DPF2: variants seen among roughly 807,000 people sequenced by gnomAD.
DPF2 encodes the protein double PHD fingers 2, also known as zinc finger protein ubi-d4.
A neutral mutation model predicts 59.6 loss-of-function variants in DPF2; 10 were observed. The observed-to-expected ratio is 0.17, with a 90% confidence interval of 0.10 to 0.28. The LOEUF is 0.28. DPF2 is among the 10% of genes least tolerant of loss of function. DPF2 has a pLI of 1.00. For synonymous variants in DPF2, 189 were observed against 190.6 expected, an observed-to-expected ratio of 0.99 and a Z score of 0.07; for missense variants, 315 against 509.4, an observed-to-expected ratio of 0.62 and a Z score of 3.67.
Position 65,348,784 on chromosome 11 carries a change from G to A in DPF2, c.1018-66G>A, listed in dbSNP as rs1854612046. ...ACCTACCCCTCTTGGAAATAGCAGT[G>A]TCCTGTAGTGGCCTGAGGCACATCA... On this transcript the variant is annotated intron_variant, in intron 9 of 10. Transcript: ENST00000528416. 5.2e-6 allele frequency: 8 copies of A among 1,534,314 alleles called. No homozygotes were observed. In the East Asian group the frequency reaches 1.8e-4, roughly 34 times the overall value.
In DPF2 at chr11:65,344,056, C is replaced by G; in HGVS notation, c.624C>G (p.Pro208=). The G allele has an allele frequency of 6.2e-7, 1 of 1,614,192 alleles. No homozygotes were observed. Among genetic ancestry groups the G allele is most frequent in the Non-Finnish European group, 8.5e-7 (1 of 1,180,018 alleles). ...CCATCCTGGAGGACCGGGATAAGCC[C>G]TATGCCTGTGACAGTGAGTGCCTCA... The part of the protein sequence containing the change: ...DASILEDRDK[P]YACDICGKRY... Residue 208 remains proline (P), a synonymous_variant, in exon 6 of 11, where the codon CCC becomes CCG. Transcript: ENST00000528416.
intron 4 of DPF2, among the ~76,000 whole-genome samples, chr11:65,342,760 C>T (rs1854410248): frequency 6.6e-6 from 1 of 152,092 alleles, no homozygotes; most frequent in Admixed American, 6.6e-5. Flanking sequence ...CGCCTGTAAT[C>T]CCAGCACTTT....
At chr11:65,351,289 A>G (rs1366160048) in intron 10 of DPF2, among the ~76,000 whole-genome samples, 1 of 152,214 alleles carries the variant, frequency 6.6e-6, no homozygotes, top group African/African-American at 2.4e-5. Flanking sequence ...GAATGACCCA[A>G]TTGTTTTTCA....
intron 1 of DPF2, among the ~76,000 whole-genome samples, chr11:65,337,492 TATATATATATATAGAGAGAGAGAG>T (rs1854213935): frequency 1.5e-5 from 1 of 67,406 alleles, no homozygotes; most frequent in South Asian, 5.7e-4. Context: ...TATATATATA[TATATATATATATAGAGAGAGAGAG>T]AGAGAGAGAG....
chr11:65,348,611 GAAAAAAAAAAA>G, intron 9 of DPF2: 1 of 239,458 alleles, frequency 4.2e-6, no homozygotes, highest in Non-Finnish European at 7.4e-6. Context: ...GGGCTTTAGG[GAAAAAAAAAAA>G]AAAAAAAAAG....
rs557339430 is a variant in DPF2 at position 65,343,600 on chromosome 11, G to A, written c.466-145G>A. On this transcript the variant is annotated intron_variant, in intron 4 of 10. Transcript: ENST00000528416. ...GGGAGCAGGAGCAGGATTATAGCAT[G>A]CTTGAAAGGCGTTGGTGAGGAATGA... 5.0e-5 allele frequency: 34 copies of A among 676,502 alleles called. 1 individual carries two copies. In the South Asian group the frequency reaches 6.0e-4, roughly 12 times the overall value. The allele number at this position is 676,502 out of a possible 1,614,324, so 41.9% of individuals were successfully genotyped here.
In DPF2 at chr11:65,353,294, C is replaced by T. The variant is rs376636599; in HGVS notation, c.*1535C>T. The T allele has an allele frequency of 2.0e-5, 3 of 152,122 alleles. No homozygotes were observed. In the East Asian group the frequency reaches 5.8e-4, roughly 29 times the overall value. 9.4% of individuals were successfully genotyped at this position (152,122 alleles called of 1,614,324 possible). ...GTTTCAGTTGATTTGGAGAATTCTC[C>T]TAGTCTTGGATACATAGATGGAAGT... On this transcript the variant is annotated 3_prime_UTR_variant, in exon 11 of 11. Transcript: ENST00000528416.
intron 4 of DPF2, among the ~76,000 whole-genome samples, chr11:65,342,323 G>C (rs970633008): frequency 6.6e-6 from 1 of 152,124 alleles, no homozygotes; most frequent in African/African-American, 2.4e-5. Context: ...GGTGGCACAC[G>C]CCTGCAGTCC....
At chr11:65,336,230 G>A (rs552311717) in intron 1 of DPF2, among the ~76,000 whole-genome samples, 20 of 152,012 alleles carry the variant, frequency 1.3e-4, no homozygotes, top group African/African-American at 4.3e-4. Flanking sequence ...AGTGGCTTAC[G>A]CCTATAATCC....
At chr11:65,337,470 AAAAAAT>A (rs1429016355) in intron 1 of DPF2, among the ~76,000 whole-genome samples, 1 of 57,618 alleles carries the variant, frequency 1.7e-5, no homozygotes, top group Non-Finnish European at 3.3e-5. Flanking sequence ...AAAAAAAAAA[AAAAAAT>A]ATATATATAT....
intron 1 of DPF2, among the ~76,000 whole-genome samples, chr11:65,337,547 A>AGAGAGAGGGG (rs1251201046): frequency 7.6e-6 from 1 of 131,642 alleles, no homozygotes; most frequent in Non-Finnish European, 1.6e-5. Context: ...AGAGAGAGAG[A>AGAGAGAGGGG]ACAATGTTAA....
intron 10 of DPF2, among the ~76,000 whole-genome samples, chr11:65,350,204 CT>C (rs1311048678): frequency 6.6e-6 from 1 of 152,082 alleles, no homozygotes; most frequent in Admixed American, 6.6e-5. Context: ...AGTGTCCTCA[CT>C]GTAGTGTTAA....
chr11:65,344,532 C>T, intron 6 of DPF2: 1 of 1,525,658 alleles, frequency 6.6e-7, no homozygotes, highest in South Asian at 1.2e-5. Flanking sequence ...GCTCCTGTCT[C>T]AAGTGTATCA....
chr11:65,345,376 A>C (rs899561325), intron 6 of DPF2: 2 of 420,688 alleles, frequency 4.8e-6, no homozygotes, highest in Non-Finnish European at 8.8e-6. Flanking sequence ...AGAGCAACTA[A>C]CTGGTGATGG....
At chr11:65,338,536 C>T (rs1854274046) in intron 1 of DPF2, among the ~76,000 whole-genome samples, 2 of 152,238 alleles carry the variant, frequency 1.3e-5, no homozygotes, top group South Asian at 4.1e-4. Context: ...CTGCCGCACT[C>T]AACCTTGTTT....
In DPF2 at chr11:65,344,026, T is replaced by C; in HGVS notation, c.594T>C (p.Asp198=). The C allele has an allele frequency of 6.2e-7, 1 of 1,614,214 alleles. No individual in the cohort carries two copies. Residue 198 remains aspartate, a synonymous_variant, in exon 6 of 11, where the codon GAT becomes GAC. Coordinates refer to ENST00000528416, the MANE Select transcript of DPF2 (RefSeq NM_006268.5). ...TGGGCAGTGCCCGTAAGAAGCTGGATGCTTCCATCCTGGAGGACCGGGATA... is the reference window on the plus strand; with the variant it reads ...TGGGCAGTGCCCGTAAGAAGCTGGACGCTTCCATCCTGGAGGACCGGGATA... The part of the protein sequence containing the change: ...KGVGSARKKL[D]ASILEDRDKP...
chr11:65,343,567 G>A lies in DPF2; in HGVS notation c.466-178G>A, dbSNP rs1854441777. On this transcript the variant is annotated intron_variant, in intron 4 of 10. Coordinates refer to ENST00000528416, the MANE Select transcript of DPF2 (RefSeq NM_006268.5). The stretch of plus-strand genomic sequence containing the variant: ...AAGCACAGGGGAAAGATATCCCAAA[G>A]TATGGAAGGGAGCAGGAGCAGGATT... 4 of 609,380 alleles carry A rather than the reference G, an allele frequency of 6.6e-6. No individual in the cohort carries two copies. In the Admixed American group the frequency reaches 8.7e-5, roughly 13 times the overall value. The allele number at this position is 609,380 out of a possible 1,614,324, so 37.7% of individuals were successfully genotyped here. A position where few individuals can be genotyped will look rare whatever the true frequency, so the allele number is the denominator to read the frequency against.
intron 6 of DPF2, 43 bp from the exon 7 acceptor site, chr11:65,345,623 C>G (rs779210808): frequency 1.2e-6 from 2 of 1,610,924 alleles, no homozygotes; most frequent in Admixed American, 3.3e-5. Context: ...ACATGGCACT[C>G]TTGTATCCTA....
intron 1 of DPF2, among the ~76,000 whole-genome samples, chr11:65,337,618 T>C (rs547516986): frequency 1.3e-3 from 194 of 150,216 alleles, no homozygotes; most frequent in Non-Finnish European, 2.4e-3. Flanking sequence ...TTTTTTTGTT[T>C]TAAGAGACAG....
Sources: gnomAD v4.1 joint callset for allele counts (sites outside exome capture counted in the v4.1 genomes callset) on GRCh38, gnomAD v4.1.1 for gene constraint, MANE v1.5 for transcripts, NCBI Gene and HGNC (gene_info 2026-07-23, HGNC 2026-07-21) for gene names.